ASIC2: variants seen among roughly 807,000 people sequenced by gnomAD.
ASIC2 encodes the protein acid sensing ion channel subunit 2.
Under a neutral mutation model 57.3 loss-of-function variants are expected in ASIC2, and 25 were observed. The observed-to-expected ratio is 0.44, with a 90% confidence interval of 0.32 to 0.61. The LOEUF (loss-of-function observed/expected upper bound fraction) is 0.61. ASIC2 is among the 20% of genes least tolerant of loss of function. The pLI is 0.06. For missense variants in ASIC2, 641 were observed against 738.1 expected (o/e 0.87, Z 1.52); for synonymous variants, 319 against 307.5 (o/e 1.04, Z -0.39).
At chr17:33,814,216 A>T (rs1302976947) in intron 1 of ASIC2, among the ~76,000 whole-genome samples, 1 of 152,182 alleles carries the variant, frequency 6.6e-6, no homozygotes, top group East Asian at 1.9e-4. Context: ...TGTAAGCCTA[A>T]ATTCCTGCAG....
intron 8 of ASIC2, among the ~76,000 whole-genome samples, chr17:33,017,234 G>A (rs567165811): frequency 6.6e-6 from 1 of 152,268 alleles, no homozygotes; most frequent in African/African-American, 2.4e-5. Context: ...GTGCAGGTGT[G>A]GACATGCTCA....
At chr17:34,052,719 C>T (rs139388097) in intron 1 of ASIC2, among the ~76,000 whole-genome samples, 3 of 151,764 alleles carry the variant, frequency 2.0e-5, no homozygotes, top group Non-Finnish European at 1.5e-5. Flanking sequence ...CGGGTTCAAG[C>T]GATTCTGCTG....
chr17:33,301,794 G>A (rs1256098217), intron 1 of ASIC2, among the ~76,000 whole-genome samples: 1 of 152,210 alleles, frequency 6.6e-6, no homozygotes, highest in African/African-American at 2.4e-5. Flanking sequence ...TGGTCTGAGA[G>A]CCATTGCCAT....
At chr17:34,022,114 T>G (rs1349899095) in intron 1 of ASIC2, among the ~76,000 whole-genome samples, 1 of 152,144 alleles carries the variant, frequency 6.6e-6, no homozygotes, top group African/African-American at 2.4e-5. Context: ...GGGGTTGGTA[T>G]TTTTAAAAGT....
intron 1 of ASIC2, among the ~76,000 whole-genome samples, chr17:34,141,875 G>T (rs1295109199): frequency 6.6e-6 from 1 of 152,124 alleles, no homozygotes; most frequent in African/African-American, 2.4e-5. Context: ...TCATTGCTCT[G>T]GGGGGAACAA....
rs942491457 is a variant in ASIC2, at chr17:33,292,928, G to T, written c.-813C>A. The T allele has an allele frequency of 6.9e-5, 68 of 985,410 alleles. 1 individual carries two copies. In the African/African-American group the frequency reaches 1.1e-3, roughly 16 times the overall value. 61.0% of individuals were successfully genotyped at this position (985,410 alleles called of 1,614,324 possible). A position where few individuals can be genotyped will look rare whatever the true frequency, so the allele number is the denominator to read the frequency against. ...TCCTGCGGGAGGCTGTTCGCCGCCG[G>T]GGTCCTTCAAGGATGCTAGCCGCAG... is the stretch of plus-strand genomic sequence containing the variant. On this transcript the variant is annotated 5_prime_UTR_variant, in exon 1 of 10. Coordinates refer to ENST00000225823, the MANE Select transcript of ASIC2 (RefSeq NM_183377.2).
chr17:33,296,272 G>T (rs1414214015), upstream of ASIC2, among the ~76,000 whole-genome samples: 1 of 152,066 alleles, frequency 6.6e-6, no homozygotes, highest in Non-Finnish European at 1.5e-5. Flanking sequence ...GAGAGGTTAA[G>T]TTACTCACTT....
intron 1 of ASIC2, among the ~76,000 whole-genome samples, chr17:33,366,530 G>A (rs1437453282): frequency 6.6e-6 from 1 of 152,088 alleles, no homozygotes; most frequent in Non-Finnish European, 1.5e-5. Flanking sequence ...CCTTCTCCAG[G>A]GAGCCTTCTT....
At chr17:33,382,586 C>A (rs1909527854) in intron 1 of ASIC2, among the ~76,000 whole-genome samples, 1 of 152,204 alleles carries the variant, frequency 6.6e-6, no homozygotes, top group South Asian at 2.1e-4. Context: ...GCCCTGCAGA[C>A]CTATTACATG....
chr17:34,039,591 G>A (rs986353139), intron 1 of ASIC2: 58 of 1,613,746 alleles, frequency 3.6e-5, no homozygotes, highest in Non-Finnish European at 4.4e-5. Flanking sequence ...TTCCCGGCCC[G>A]CTTCCCCCAG....
chr17:33,511,089 C>T (rs1914417323), intron 1 of ASIC2, among the ~76,000 whole-genome samples: 1 of 152,148 alleles, frequency 6.6e-6, no homozygotes, highest in African/African-American at 2.4e-5. Context: ...AGATGCTGAG[C>T]CTTTTCACAG....
intron 1 of ASIC2, chr17:33,680,623 G>A (rs998353657): frequency 1.3e-5 from 2 of 152,136 alleles, no homozygotes; most frequent in African/African-American, 2.4e-5. Flanking sequence ...GCAAGATCTC[G>A]TGCTATGTGT....
At chr17:33,257,732 T>G (rs1909131217) in intron 1 of ASIC2, among the ~76,000 whole-genome samples, 1 of 152,174 alleles carries the variant, frequency 6.6e-6, no homozygotes, top group African/African-American at 2.4e-5. Context: ...TCCTGTGACA[T>G]TCAGAGAACA....
chr17:33,482,443 C>T (rs1336745419), intron 1 of ASIC2, among the ~76,000 whole-genome samples: 1 of 152,250 alleles, frequency 6.6e-6, no homozygotes, highest in East Asian at 1.9e-4. Context: ...CAGGCCTAAT[C>T]TTAGACTTGG....
At chr17:34,146,568 A>G (rs1363231726) in intron 1 of ASIC2, among the ~76,000 whole-genome samples, 2 of 152,200 alleles carry the variant, frequency 1.3e-5, no homozygotes, top group Non-Finnish European at 2.9e-5. Flanking sequence ...CTGCACCACA[A>G]TGTATTCCAT....
intron 1 of ASIC2, among the ~76,000 whole-genome samples, chr17:33,888,042 G>C (rs567282113): frequency 6.6e-6 from 1 of 152,112 alleles, no homozygotes; most frequent in African/African-American, 2.4e-5. Flanking sequence ...ATCCTAAATC[G>C]GGGCCCATCT....
At chr17:33,943,467 T>G (rs936726374) in intron 1 of ASIC2, among the ~76,000 whole-genome samples, 1 of 152,146 alleles carries the variant, frequency 6.6e-6, no homozygotes, top group Non-Finnish European at 1.5e-5. Flanking sequence ...CAGCCCTCCC[T>G]CCATTTCATC....
chr17:33,692,788 C>T (rs1462786000), intron 1 of ASIC2, among the ~76,000 whole-genome samples: 1 of 152,098 alleles, frequency 6.6e-6, no homozygotes, highest in East Asian at 1.9e-4. Context: ...ATGTGTTGCA[C>T]TATGATGGTA....
intron 1 of ASIC2, among the ~76,000 whole-genome samples, chr17:33,500,388 G>A (rs556728544): frequency 2.6e-5 from 4 of 152,150 alleles, no homozygotes; most frequent in Admixed American, 6.5e-5. Flanking sequence ...CCCAGGGGAG[G>A]GTTTTGATTG....
Sources: allele counts gnomAD v4.1 joint callset (sites outside exome capture counted in the v4.1 genomes callset), GRCh38; gene constraint gnomAD v4.1.1; transcripts MANE v1.5; gene names NCBI Gene and HGNC (gene_info 2026-07-23, HGNC 2026-07-21).